Variants in CDH13 observed in about 807,000 individuals in gnomAD.
CDH13 encodes the protein cadherin-13.
In CDH13, 24 loss-of-function variants were observed where a neutral mutation model predicts 63.8. The observed-to-expected ratio is 0.38, with a 90% CI of 0.27 to 0.53. CDH13 has a LOEUF of 0.53. CDH13 is among the 20% of genes least tolerant of loss of function. CDH13 has a pLI of 0.85. For synonymous variants in CDH13, 503 were observed against 355.3 expected (o/e 1.42, Z -4.67); for missense variants, 1,049 against 903.1 (o/e 1.16, Z -2.07).
intron 3 of CDH13, among the ~76,000 whole-genome samples, chr16:83,044,741 T>G (rs1038729311): frequency 3.7e-4 from 57 of 152,320 alleles, no homozygotes; most frequent in African/African-American, 1.4e-3. Flanking sequence ...AGGTGGGTCT[T>G]AGGTCGCGGT....
chr16:83,391,182 A>G (rs2091778745), intron 6 of CDH13, among the ~76,000 whole-genome samples: 2 of 150,738 alleles, frequency 1.3e-5, no homozygotes, highest in African/African-American at 4.9e-5. Flanking sequence ...CTTCTGTGAC[A>G]TTCATAAGAT....
chr16:83,199,854 G>C (rs1294766662), intron 4 of CDH13, among the ~76,000 whole-genome samples: 1 of 152,244 alleles, frequency 6.6e-6, no homozygotes, highest in East Asian at 1.9e-4. Flanking sequence ...GAAAAGATTT[G>C]CCCAAGGTTA....
intron 6 of CDH13, among the ~76,000 whole-genome samples, chr16:83,425,766 TTTC>T (rs2071874914): frequency 6.6e-6 from 1 of 152,208 alleles, no homozygotes; most frequent in African/African-American, 2.4e-5. Flanking sequence ...TCTCTTTTTC[TTTC>T]TTCCTTTGTC....
intron 1 of CDH13, among the ~76,000 whole-genome samples, chr16:82,762,225 T>G (rs1418036870): frequency 1.3e-5 from 2 of 152,204 alleles, no homozygotes; most frequent in African/African-American, 4.8e-5. Flanking sequence ...ATGTAATGAT[T>G]ACTAAGATTC....
At chr16:82,714,917 A>G (rs1165294159) in intron 1 of CDH13, among the ~76,000 whole-genome samples, 1 of 123,480 alleles carries the variant, frequency 8.1e-6, no homozygotes, top group African/African-American at 2.9e-5. Context: ...CTTTGATTTC[A>G]GACTTTTTGC....
chr16:83,590,550 C>G (rs181137872), intron 7 of CDH13, among the ~76,000 whole-genome samples: 1 of 151,764 alleles, frequency 6.6e-6, no homozygotes, highest in East Asian at 1.9e-4. Context: ...TGAAAGCAGG[C>G]GAGATGCTGT....
chr16:82,638,322 C>T (rs1020281782), intron 1 of CDH13, among the ~76,000 whole-genome samples: 6 of 152,176 alleles, frequency 3.9e-5, no homozygotes, highest in Admixed American at 6.5e-5. Flanking sequence ...CCTCCTAGCC[C>T]TTTAGAAGTG....
chr16:82,914,546 A>G (rs1403158704), intron 2 of CDH13, among the ~76,000 whole-genome samples: 1 of 152,202 alleles, frequency 6.6e-6, no homozygotes, highest in African/African-American at 2.4e-5. Flanking sequence ...ACTCCTAAGT[A>G]GTTAAAGAGT....
chr16:82,705,862 G>T (rs1353839935), intron 1 of CDH13, among the ~76,000 whole-genome samples: 2 of 152,202 alleles, frequency 1.3e-5, no homozygotes, highest in Non-Finnish European at 2.9e-5. Flanking sequence ...ACTGCATGAA[G>T]AAGGGGTAGA....
chr16:83,514,845 G>A (rs944307488), intron 7 of CDH13, among the ~76,000 whole-genome samples: 1 of 152,150 alleles, frequency 6.6e-6, no homozygotes. Context: ...AAGGACTCTT[G>A]TAGATGTCTT....
At chr16:82,992,071 T>A (rs889004372) in intron 2 of CDH13, among the ~76,000 whole-genome samples, 2 of 152,168 alleles carry the variant, frequency 1.3e-5, no homozygotes, top group African/African-American at 4.8e-5. Context: ...GAAGAGTATT[T>A]CGTAGAAGTG....
chr16:83,413,755 A>T (rs2092160728), intron 6 of CDH13, among the ~76,000 whole-genome samples: 1 of 152,110 alleles, frequency 6.6e-6, no homozygotes, highest in African/African-American at 2.4e-5. Context: ...TGGGAGGCTG[A>T]GGCGAGAGGA....
chr16:82,892,007 G>T (rs1199123084), intron 2 of CDH13, among the ~76,000 whole-genome samples: 1 of 152,142 alleles, frequency 6.6e-6, no homozygotes, highest in Non-Finnish European at 1.5e-5. Context: ...GCTGCATGAG[G>T]TTGAAAGCTC....
At chr16:82,651,647 G>C (rs1470067126) in intron 1 of CDH13, among the ~76,000 whole-genome samples, 1 of 152,252 alleles carries the variant, frequency 6.6e-6, no homozygotes, top group Non-Finnish European at 1.5e-5. Flanking sequence ...TGAGGAGACT[G>C]AGGCTTAGAG....
At chr16:83,577,978 TAC>T (rs1905207042) in intron 7 of CDH13, among the ~76,000 whole-genome samples, 2 of 152,186 alleles carry the variant, frequency 1.3e-5, no homozygotes, top group Non-Finnish European at 2.9e-5. Flanking sequence ...TCACTATTCA[TAC>T]AGTTGCATAA....
At chr16:83,176,446 G>A (rs1240695706) in intron 4 of CDH13, among the ~76,000 whole-genome samples, 1 of 148,652 alleles carries the variant, frequency 6.7e-6, no homozygotes, top group Non-Finnish European at 1.5e-5. Context: ...GGAGGCGGGG[G>A]TTGCAATGAG....
chr16:82,988,069 A>C (rs1230519825), intron 2 of CDH13, among the ~76,000 whole-genome samples: 1 of 152,182 alleles, frequency 6.6e-6, no homozygotes, highest in East Asian at 1.9e-4. Context: ...ATGTTTTTAC[A>C]TCTTGTAGCA....
chr16:83,729,997 T>C (rs1910861129), intron 10 of CDH13, among the ~76,000 whole-genome samples: 1 of 152,220 alleles, frequency 6.6e-6, no homozygotes, highest in African/African-American at 2.4e-5. Flanking sequence ...CTGCCACATG[T>C]TTGCATGTGG....
At chr16:82,795,249 G>A (rs2036525089) in intron 1 of CDH13, among the ~76,000 whole-genome samples, 1 of 152,152 alleles carries the variant, frequency 6.6e-6, no homozygotes, top group Admixed American at 6.5e-5. Context: ...CAATGGACAT[G>A]GACAGTTGTC....
Sources: gnomAD v4.1 joint callset for allele counts (sites outside exome capture counted in the v4.1 genomes callset) on GRCh38, gnomAD v4.1.1 for gene constraint, MANE v1.5 for transcripts, NCBI Gene and HGNC (gene_info 2026-07-23, HGNC 2026-07-21) for gene names.